FGGY: variants seen among roughly 807,000 people sequenced by gnomAD.
FGGY encodes FGGY carbohydrate kinase domain-containing protein.
Under a neutral mutation model 71.3 loss-of-function variants are expected in FGGY, and 72 were observed. The ratio of observed to expected loss-of-function variants is 1.01; its 90% confidence interval spans 0.84 to 1.23. FGGY has a LOEUF of 1.23. Ranked by LOEUF, FGGY falls within the 50% of genes most tolerant of loss-of-function variation. FGGY has a pLI of 0.00. For missense variants in FGGY, 668 were observed against 682.3 expected (o/e 0.98, Z 0.23); for synonymous variants, 251 against 250.3 (o/e 1.00, Z -0.02).
chr1:59,347,489 A>G (rs2052317232), intron 4 of FGGY, among the ~76,000 whole-genome samples: 1 of 152,002 alleles, frequency 6.6e-6, no homozygotes, highest in African/African-American at 2.4e-5. Context: ...TTCTTAATCC[A>G]GTCTATCATT....
At chr1:59,443,842 A>C (rs1572214075) in intron 5 of FGGY, among the ~76,000 whole-genome samples, 1 of 152,324 alleles carries the variant, frequency 6.6e-6, no homozygotes, top group East Asian at 1.9e-4. Flanking sequence ...CTTGGTACCA[A>C]TAACCTCATA....
chr1:59,443,377 A>T (rs1367061784), intron 5 of FGGY, among the ~76,000 whole-genome samples: 2 of 152,180 alleles, frequency 1.3e-5, no homozygotes. Flanking sequence ...GGAATTGTAC[A>T]TTATCTCTTT....
intron 7 of FGGY, among the ~76,000 whole-genome samples, chr1:59,512,778 A>T (rs959564210): frequency 4.6e-5 from 7 of 152,188 alleles, no homozygotes; most frequent in African/African-American, 1.7e-4. Flanking sequence ...TTTGTAAGGT[A>T]CTCCAAAACC....
chr1:59,385,463 C>T (rs1450302333), intron 5 of FGGY, among the ~76,000 whole-genome samples: 1 of 152,176 alleles, frequency 6.6e-6, no homozygotes, highest in African/African-American at 2.4e-5. Context: ...ACCATCCTTA[C>T]AGCAGGTGGT....
At chr1:59,525,483 CCTCTTGCATAGATTTGA>C (rs1448645694) in intron 7 of FGGY, among the ~76,000 whole-genome samples, 1 of 152,142 alleles carries the variant, frequency 6.6e-6, no homozygotes, top group African/African-American at 2.4e-5. Context: ...AATAATAGTA[CCTCTTGCATAGATTTGA>C]GTAATAAATG....
intron 4 of FGGY, among the ~76,000 whole-genome samples, chr1:59,352,828 C>T (rs2053565920): frequency 2.6e-5 from 4 of 152,268 alleles, no homozygotes; most frequent in Admixed American, 2.0e-4. Context: ...CATAATAACA[C>T]CTTTTCTCTA....
intron 14 of FGGY, among the ~76,000 whole-genome samples, chr1:59,732,299 GA>G (rs1265609929): frequency 3.3e-5 from 5 of 152,174 alleles, no homozygotes; most frequent in Admixed American, 1.3e-4. Context: ...GTATTTAGGG[GA>G]AAGTCCTTTT....
At position 59,499,299 on chromosome 1, in the gene FGGY, G is replaced by GTTTTTTTTTTTTTTTTTT. The variant is rs58170089; in HGVS notation, c.671-12996_671-12995insTTTTTTTTTTTTTTTTTT. On this transcript the variant is annotated intron_variant, in intron 6 of 15. Transcript: ENST00000303721. ...ACTGAACCCTATGTATACTATGTTTGTTTTTTTTTTTTTTTTGATCTGGTA... is the reference window on the plus strand; with the variant it reads ...ACTGAACCCTATGTATACTATGTTTGTTTTTTTTTTTTTTTTTTTTTTTTTTTTTTTTTTGATCTGGTA... 6.7e-3 allele frequency among the ~76,000 whole-genome samples: 711 copies of GTTTTTTTTTTTTTTTTTT among 105,638 alleles called. 49 individuals are homozygous for GTTTTTTTTTTTTTTTTTT. The highest frequency in any genetic ancestry group is 7.6e-3 in the Non-Finnish European group (410 of 54,002). The allele number at this position is 105,638 out of a possible 152,430, so 69.3% of individuals were successfully genotyped here.
At chr1:59,527,017 GC>G (rs1238701396) in intron 7 of FGGY, among the ~76,000 whole-genome samples, 2 of 152,168 alleles carry the variant, frequency 1.3e-5, no homozygotes, top group African/African-American at 4.8e-5. Context: ...TAAATTCCCA[GC>G]CAAAGAGATT....
intron 11 of FGGY, among the ~76,000 whole-genome samples, chr1:59,644,617 G>A (rs1315407661): frequency 6.7e-6 from 1 of 149,738 alleles, no homozygotes; most frequent in Non-Finnish European, 1.5e-5. Context: ...AGACAGACAC[G>A]CCCCCCCCCA....
intron 11 of FGGY, among the ~76,000 whole-genome samples, chr1:59,647,942 C>A (rs1358356761): frequency 1.0e-5 from 1 of 97,168 alleles, no homozygotes; most frequent in Non-Finnish European, 2.0e-5. Flanking sequence ...TATTCCCCTT[C>A]CTGTGTCCAT....
intron 12 of FGGY, among the ~76,000 whole-genome samples, chr1:59,660,680 G>C (rs546712400): frequency 1.3e-5 from 2 of 152,262 alleles, no homozygotes; most frequent in South Asian, 4.1e-4. Context: ...TTCATGATAG[G>C]GGTCCTTTAA....
At chr1:59,646,804 G>A (rs1439460629) in intron 11 of FGGY, among the ~76,000 whole-genome samples, 5 of 152,060 alleles carry the variant, frequency 3.3e-5, no homozygotes, top group East Asian at 1.9e-4. Context: ...TAAGTGGAAC[G>A]GGAACCAGTC....
At chr1:59,403,803 C>T (rs1223855972) in intron 5 of FGGY, among the ~76,000 whole-genome samples, 1 of 152,184 alleles carries the variant, frequency 6.6e-6, no homozygotes, top group African/African-American at 2.4e-5. Context: ...AGCCAGACTG[C>T]ATGGCTGTAA....
At chr1:59,377,647 G>A (rs1272621552) in intron 4 of FGGY, among the ~76,000 whole-genome samples, 1 of 151,838 alleles carries the variant, frequency 6.6e-6, no homozygotes, top group Admixed American at 6.6e-5. Flanking sequence ...GGGTGGTATG[G>A]GTTGTATGAC....
At chr1:59,337,448 G>A (rs1211600030) in intron 2 of FGGY, among the ~76,000 whole-genome samples, 1 of 151,872 alleles carries the variant, frequency 6.6e-6, no homozygotes, top group Non-Finnish European at 1.5e-5. Context: ...TCACATCAAG[G>A]GTGGCTCTTC....
At chr1:59,405,602 A>AT (rs967004080) in intron 5 of FGGY, among the ~76,000 whole-genome samples, 33 of 151,760 alleles carry the variant, frequency 2.2e-4, no homozygotes, top group Admixed American at 2.0e-3. Flanking sequence ...ATAAAATAAG[A>AT]TTTTTTTTTA....
intron 9 of FGGY, among the ~76,000 whole-genome samples, chr1:59,623,158 T>G (rs1464263065): frequency 1.3e-5 from 2 of 152,186 alleles, no homozygotes; most frequent in African/African-American, 4.8e-5. Context: ...TGCCAACCTG[T>G]GATCTTTGTC....
At chr1:59,436,404 A>G (rs1252174207) in intron 5 of FGGY, among the ~76,000 whole-genome samples, 1 of 151,788 alleles carries the variant, frequency 6.6e-6, no homozygotes, top group East Asian at 1.9e-4. Flanking sequence ...AGTGCCCCTC[A>G]TTGCATTTAT....
Sources: gnomAD v4.1 joint callset for allele counts (sites outside exome capture counted in the v4.1 genomes callset) on GRCh38, gnomAD v4.1.1 for gene constraint, MANE v1.5 for transcripts, NCBI Gene and HGNC (gene_info 2026-07-23, HGNC 2026-07-21) for gene names.